Variants in GLRA1 observed in about 807,000 individuals in gnomAD.
The protein encoded by GLRA1 is glycine receptor alpha 1.
A neutral mutation model predicts 48.3 loss-of-function variants in GLRA1; 37 were observed. The ratio of observed to expected loss-of-function variants is 0.77; its 90% CI spans 0.59 to 1.01. GLRA1 has a LOEUF of 1.01. GLRA1 is among the 50% of genes least tolerant of loss of function. The pLI is 0.00. For missense variants in GLRA1, 427 were observed against 571.0 expected, an observed-to-expected ratio of 0.75 and a Z score of 2.57; for synonymous variants, 196 against 210.7, an observed-to-expected ratio of 0.93 and a Z score of 0.60.
intron 3 of GLRA1, among the ~76,000 whole-genome samples, chr5:151,875,129 G>T (rs1215411079): frequency 6.6e-6 from 1 of 152,076 alleles, no homozygotes; most frequent in East Asian, 1.9e-4. Flanking sequence ...GTGACTAAAT[G>T]ACTGCTCCCT....
Position 151,886,799 on chromosome 5 carries a change from A to G in GLRA1, c.185-11T>C. The G allele has an allele frequency of 6.2e-7, 1 of 1,606,054 alleles. No individual in the cohort carries two copies. Among genetic ancestry groups the G allele is most frequent in the Non-Finnish European group, 8.5e-7 (1 of 1,172,596 alleles). On this transcript the variant is annotated splice_polypyrimidine_tract_variant and intron_variant, in intron 2 of 8. Transcript: ENST00000274576. ...CGTTCACTGGGGGACCTGCCAATCA[A>G]GAGAGATTCCTGCTTAGCCCCAAGG...
intron 7 of GLRA1, chr5:151,850,280 G>A: frequency 6.2e-7 from 1 of 1,604,660 alleles, no homozygotes; most frequent in Non-Finnish European, 8.5e-7. Context: ...CTGCCCAGTG[G>A]GAATTTCAAA....
At chr5:151,881,414 AG>A (rs1753759486) in intron 3 of GLRA1, among the ~76,000 whole-genome samples, 1 of 150,098 alleles carries the variant, frequency 6.7e-6, no homozygotes, top group Non-Finnish European at 1.5e-5. Flanking sequence ...TGACCTCCTA[AG>A]GCTCAGGTGA....
intron 6 of GLRA1, 59 bp downstream of exon 6, chr5:151,854,981 A>C (rs1752998315): frequency 1.3e-6 from 2 of 1,549,690 alleles, no homozygotes; most frequent in South Asian, 1.1e-5. Context: ...AATGTGTCTG[A>C]AATGACCTCT....
At chr5:151,834,280 AG>A (rs1273730985) in intron 7 of GLRA1, among the ~76,000 whole-genome samples, 1 of 152,254 alleles carries the variant, frequency 6.6e-6, no homozygotes, top group African/African-American at 2.4e-5. Context: ...ACAGTCTCTC[AG>A]ACCACAGCAC....
intron 1 of GLRA1, among the ~76,000 whole-genome samples, chr5:151,910,263 G>A (rs1336297328): frequency 6.6e-6 from 1 of 152,144 alleles, no homozygotes; most frequent in Non-Finnish European, 1.5e-5. Context: ...TTGGTTGAAT[G>A]CCCATACTCT....
intron 1 of GLRA1, among the ~76,000 whole-genome samples, chr5:151,898,386 C>T (rs1342247956): frequency 3.3e-5 from 5 of 152,120 alleles, no homozygotes; most frequent in Non-Finnish European, 5.9e-5. Context: ...TGTTCAGATT[C>T]TCATTCTCCA....
Position 151,822,660 on chromosome 5 carries a change from C to T in GLRA1, c.*13G>A, listed in dbSNP as rs768332045. The T allele has an allele frequency of 6.3e-7, 1 of 1,597,350 alleles. No individual in the cohort carries two copies. The highest frequency in any genetic ancestry group is 8.6e-7 in the Non-Finnish European group (1 of 1,164,880). ...GTTCCCCTCTCCCAGCCTCCCCCAA[C>T]CTTTCAGACCCTTCACTGGTTGTGG... On this transcript the variant is annotated 3_prime_UTR_variant, in exon 9 of 9. Transcript: ENST00000274576.
At position 151,892,299 on chromosome 5, in the gene GLRA1, T is replaced by A. The variant is rs762493012; in HGVS notation, c.184+12A>T. On this transcript the variant is annotated intron_variant, in intron 2 of 8. Transcript: ENST00000274576. Reference sequence around the variant, plus strand: ...CATTTCCCTGTGGGTCTGGAAGGAATATTTTCTCTACCTTTAAAATTGGGC... The same window carrying A: ...CATTTCCCTGTGGGTCTGGAAGGAAAATTTTCTCTACCTTTAAAATTGGGC... The A allele has an allele frequency of 1.9e-6, 3 of 1,613,200 alleles. No individual in the cohort carries two copies. In the East Asian group the frequency reaches 6.7e-5, roughly 36 times the overall value.
intron 1 of GLRA1, among the ~76,000 whole-genome samples, chr5:151,901,174 C>A (rs186969279): frequency 3.7e-4 from 57 of 152,292 alleles, no homozygotes; most frequent in African/African-American, 1.2e-3. Context: ...CTAGGTCAAA[C>A]CTATGTTTGC....
intron 3 of GLRA1, among the ~76,000 whole-genome samples, chr5:151,873,543 C>G (rs140666054): frequency 0.022 from 3,279 of 151,760 alleles, 108 homozygotes; most frequent in African/African-American, 0.076. Flanking sequence ...ACCTGTAATC[C>G]CAGCTACTCA....
Position 151,924,652 on chromosome 5 carries a change from A to G in GLRA1, c.-103T>C, listed in dbSNP as rs1328700510. 1.5e-5 allele frequency: 12 copies of G among 802,778 alleles called. No homozygotes were observed. The highest frequency in any genetic ancestry group is 3.4e-5 in the African/African-American group (2 of 59,386). 49.7% of individuals were successfully genotyped at this position (802,778 alleles called of 1,614,324 possible). ...AGCGCTATTGCAAAAAATAATCCAG[A>G]TGTTAAAGGGAGGCGGGGAACAGGG... On this transcript the variant is annotated 5_prime_UTR_variant, in exon 1 of 9. Coordinates refer to ENST00000274576, the MANE Select transcript of GLRA1 (RefSeq NM_000171.4).
chr5:151,922,902 A>G (rs1754914880), intron 1 of GLRA1, among the ~76,000 whole-genome samples: 1 of 152,256 alleles, frequency 6.6e-6, no homozygotes, highest in African/African-American at 2.4e-5. Context: ...TAGACCAAGC[A>G]GAGAATCAAT....
At chr5:151,880,706 C>T (rs1035649304) in intron 3 of GLRA1, among the ~76,000 whole-genome samples, 1 of 152,246 alleles carries the variant, frequency 6.6e-6, no homozygotes, top group Admixed American at 6.5e-5. Flanking sequence ...GTCATACTCC[C>T]ATACTGGTAC....
At chr5:151,889,282 G>T (rs942529677) in intron 2 of GLRA1, among the ~76,000 whole-genome samples, 14 of 152,214 alleles carry the variant, frequency 9.2e-5, no homozygotes, top group African/African-American at 3.1e-4. Flanking sequence ...GTTTAATTTT[G>T]CTTTTTTGTA....
intron 1 of GLRA1, among the ~76,000 whole-genome samples, chr5:151,893,797 G>A (rs1561575337): frequency 6.6e-6 from 1 of 152,026 alleles, no homozygotes; most frequent in Non-Finnish European, 1.5e-5. Context: ...CTTTGCTATT[G>A]TAAACAGTGC....
intron 1 of GLRA1, among the ~76,000 whole-genome samples, chr5:151,912,549 A>G (rs764233967): frequency 6.6e-6 from 1 of 152,158 alleles, no homozygotes; most frequent in African/African-American, 2.4e-5. Flanking sequence ...CTGCGCTGCC[A>G]TATCTAGCTC....
chr5:151,861,177 C>T (rs1457853674), intron 3 of GLRA1, among the ~76,000 whole-genome samples: 1 of 152,190 alleles, frequency 6.6e-6, no homozygotes, highest in African/African-American at 2.4e-5. Context: ...AATAATGCCA[C>T]AATAAACATA....
At chr5:151,876,880 G>A (rs1267275306) in intron 3 of GLRA1, among the ~76,000 whole-genome samples, 3 of 152,262 alleles carry the variant, frequency 2.0e-5, no homozygotes, top group South Asian at 2.1e-4. Flanking sequence ...TGAGGGTGGG[G>A]CCCTAATTCA....
Sources: gnomAD v4.1 joint callset for allele counts (sites outside exome capture counted in the v4.1 genomes callset) on GRCh38, gnomAD v4.1.1 for gene constraint, MANE v1.5 for transcripts, NCBI Gene and HGNC (gene_info 2026-07-23, HGNC 2026-07-21) for gene names.